EBF2: variants seen among roughly 807,000 people sequenced by gnomAD.
The protein encoded by EBF2 is EBF transcription factor 2.
In EBF2, 21 loss-of-function variants were observed where a neutral mutation model predicts 72.8. The observed-to-expected ratio is 0.29, with a 90% CI of 0.20 to 0.42. The LOEUF (loss-of-function observed/expected upper bound fraction) is 0.42, where lower values mean the gene tolerates loss of function less well. Ranked by LOEUF, EBF2 falls within the 10% of genes least tolerant of loss-of-function variation. The pLI, the probability that EBF2 is intolerant of heterozygous loss-of-function variation, is 1.00. For synonymous variants in EBF2, 299 were observed against 274.2 expected, an observed-to-expected ratio of 1.09 and a Z score of -0.89; for missense variants, 637 against 731.2, an observed-to-expected ratio of 0.87 and a Z score of 1.49.
chr8:25,867,722 A>T (rs914622680), intron 10 of EBF2, among the ~76,000 whole-genome samples: 9 of 152,158 alleles, frequency 5.9e-5, no homozygotes, highest in African/African-American at 2.2e-4. Flanking sequence ...TTCAGCTTTA[A>T]ATATCCAACT....
At chr8:25,850,175 C>T (rs186505447) in intron 15 of EBF2, among the ~76,000 whole-genome samples, 604 of 152,250 alleles carry the variant, frequency 4.0e-3, no homozygotes, top group Non-Finnish European at 4.9e-3. Flanking sequence ...TGCAATGGCG[C>T]GATCTCAGCT....
intron 10 of EBF2, among the ~76,000 whole-genome samples, chr8:25,863,821 T>C (rs954779286): frequency 6.6e-6 from 1 of 152,158 alleles, no homozygotes; most frequent in Non-Finnish European, 1.5e-5. Context: ...TTAACATTTT[T>C]TGCATATGTC....
intron 6 of EBF2, among the ~76,000 whole-genome samples, chr8:26,027,090 G>T (rs1178528423): frequency 6.6e-6 from 1 of 152,186 alleles, no homozygotes; most frequent in East Asian, 1.9e-4. Flanking sequence ...AGGAATGGGA[G>T]GTAATGGTCA....
intron 3 of EBF2, 111 bp downstream of exon 3, chr8:26,040,828 C>A: frequency 6.5e-7 from 1 of 1,531,406 alleles, no homozygotes; most frequent in East Asian, 2.3e-5. Context: ...GCAAGCCTCC[C>A]GCCGCCCTGG....
intron 10 of EBF2, among the ~76,000 whole-genome samples, chr8:25,866,630 T>C (rs1305534901): frequency 9.7e-6 from 1 of 103,604 alleles, no homozygotes; most frequent in Non-Finnish European, 1.8e-5. Context: ...TATATATATA[T>C]ATATATTTTT....
chr8:25,959,712 A>G (rs200905306), intron 6 of EBF2, among the ~76,000 whole-genome samples: 36 of 151,860 alleles, frequency 2.4e-4, no homozygotes, highest in East Asian at 2.1e-3. Flanking sequence ...TGATGTGTCT[A>G]CCCCCAAGTT....
At position 26,044,653 on chromosome 8, in the gene EBF2, C is replaced by T. The variant is rs1291470365; in HGVS notation, c.131+76G>A. 4 of 1,530,322 alleles carry T rather than the reference C, an allele frequency of 2.6e-6. No homozygotes were observed. The highest frequency in any genetic ancestry group is 3.1e-5 in the African/African-American group (2 of 64,320). 94.8% of individuals were successfully genotyped at this position (1,530,322 alleles called of 1,614,324 possible). A position where few individuals can be genotyped will look rare whatever the true frequency, so the allele number is the denominator to read the frequency against. On this transcript the variant is annotated intron_variant, in intron 1 of 15. Coordinates refer to ENST00000520164, the MANE Select transcript of EBF2 (RefSeq NM_022659.4). The surrounding 1 kb of genome is among the most constrained non-coding windows in gnomAD (Gnocchi z 4.1). ...CAGGGAGAGAGAAAGGCACGGGGTG[C>T]GCGGGGGGGGTGCACACGGAGAGAC... is the stretch of plus-strand genomic sequence containing the variant.
rs148706754 is a variant in EBF2 at position 25,933,521 on chromosome 8, T to C, written c.552-24966A>G. On this transcript the variant is annotated intron_variant, in intron 6 of 15. Coordinates refer to ENST00000520164, the MANE Select transcript of EBF2 (RefSeq NM_022659.4). ...TTCAATCTTTCTGGCTGTATGGCGA[T>C]ATAGATCAAAAGTCTTAAAAATGCA... Among the ~76,000 whole-genome samples, 12 of 152,300 alleles carry C rather than the reference T, an allele frequency of 7.9e-5. No individual in the cohort carries two copies. The East Asian group carries it at 2.1e-3, about 27-fold the overall frequency.
intron 6 of EBF2, among the ~76,000 whole-genome samples, chr8:25,951,585 T>C (rs997774636): frequency 7.9e-5 from 12 of 152,214 alleles, no homozygotes; most frequent in Non-Finnish European, 1.3e-4. Flanking sequence ...AAGAGGACTC[T>C]CTGAGAACCT....
chr8:26,012,129 G>C lies in EBF2; in HGVS notation c.551+20956C>G, dbSNP rs542004255. Among the ~76,000 whole-genome samples, 5 of 152,218 alleles carry C rather than the reference G, an allele frequency of 3.3e-5. No individual in the cohort carries two copies. In the East Asian group the frequency reaches 9.7e-4, roughly 29 times the overall value. On this transcript the variant is annotated intron_variant, in intron 6 of 15. Coordinates refer to ENST00000520164, the MANE Select transcript of EBF2 (RefSeq NM_022659.4). ...TCTTTGCAAGTGTATCATTTCCCTAGAGTTCCTGTGTCACAGATTTTTGTT... is the reference window on the plus strand; with the variant it reads ...TCTTTGCAAGTGTATCATTTCCCTACAGTTCCTGTGTCACAGATTTTTGTT...
intron 6 of EBF2, among the ~76,000 whole-genome samples, chr8:25,964,058 G>A (rs1419845342): frequency 6.6e-6 from 1 of 152,126 alleles, no homozygotes; most frequent in East Asian, 1.9e-4. Context: ...GGATCAATTA[G>A]CAAATGATCC....
Position 25,944,793 on chromosome 8 carries a change from GT to G in EBF2, c.552-36239del, listed in dbSNP as rs1803738574. The stretch of plus-strand genomic sequence containing the variant: ...TTATATTGTGTATATAATTATACAT[GT>G]ATATGTATTTATATACACACTTATA... On this transcript the variant is annotated intron_variant, in intron 6 of 15. Coordinates refer to ENST00000520164, the MANE Select transcript of EBF2 (RefSeq NM_022659.4). Among the ~76,000 whole-genome samples, 5 of 148,722 alleles carry G rather than the reference GT, an allele frequency of 3.4e-5. No individual in the cohort carries two copies. The South Asian group carries it at 1.1e-3, about 31-fold the overall frequency.
intron 6 of EBF2, among the ~76,000 whole-genome samples, chr8:26,010,625 G>A (rs998251971): frequency 3.9e-5 from 6 of 152,094 alleles, no homozygotes; most frequent in African/African-American, 1.4e-4. Flanking sequence ...CCGTGCTGCA[G>A]CTTGAGAGCT....
chr8:26,044,906 A>G lies in EBF2; in HGVS notation c.-47T>C, dbSNP rs760366242. 1.9e-6 allele frequency: 3 copies of G among 1,604,264 alleles called. No homozygotes were observed. The Admixed American group carries it at 5.0e-5, about 27-fold the overall frequency. ...TGTCGCTTTAAAAGTAAGAGTTACA[A>G]CACAGTCCTGACTGTTCCCAACGTT... is the stretch of plus-strand genomic sequence containing the variant. On this transcript the variant is annotated 5_prime_UTR_variant, in exon 1 of 16. Transcript: ENST00000520164. This position sits in a 1 kb window ranked among gnomAD's most constrained non-coding sequence, Gnocchi z 4.1.
chr8:25,844,924 A>G (rs1313924918), intron 15 of EBF2, among the ~76,000 whole-genome samples: 1 of 152,226 alleles, frequency 6.6e-6, no homozygotes, highest in African/African-American at 2.4e-5. Context: ...TATAAATGAG[A>G]CAACAGATGT....
intron 7 of EBF2, among the ~76,000 whole-genome samples, chr8:25,908,024 C>T (rs1021499816): frequency 1.3e-5 from 2 of 152,218 alleles, no homozygotes; most frequent in African/African-American, 4.8e-5. Flanking sequence ...TTAAAGTGAC[C>T]ACGCTGCTTG....
intron 10 of EBF2, among the ~76,000 whole-genome samples, chr8:25,871,702 T>C (rs1393672041): frequency 1.3e-5 from 2 of 152,160 alleles, no homozygotes; most frequent in Non-Finnish European, 2.9e-5. Flanking sequence ...ATAATACACA[T>C]TTCAACTGCC....
At chr8:25,974,354 C>T (rs1804234499) in intron 6 of EBF2, among the ~76,000 whole-genome samples, 1 of 152,180 alleles carries the variant, frequency 6.6e-6, no homozygotes, top group South Asian at 2.1e-4. Flanking sequence ...CTGACCATCT[C>T]CAGAAAGTAA....
In EBF2 at chr8:25,858,496, G is replaced by C; in HGVS notation, c.1351C>G (p.Arg451Gly). Reference protein sequence around the residue: ...STQGNNQGYIRNTSSISPRGY... With the variant: ...STQGNNQGYIGNTSSISPRGY... ...CGCGGAGAGATGCTGCTTGTGTTGCGGATGTACCCTTGGCAACAAAGAAAA... is the reference window on the plus strand; with the variant it reads ...CGCGGAGAGATGCTGCTTGTGTTGCCGATGTACCCTTGGCAACAAAGAAAA... Residue 451 changes from arginine (R) to glycine (G), a missense_variant, in exon 14 of 16, where the codon CGC becomes GGC. By Grantham distance (125) the Arg-to-Gly change is moderately radical (BLOSUM62 -2). Around this residue, in one of 3 missense-constraint regions of EBF2, gnomAD observed 259 missense variants for 268.1 expected, o/e 0.97. Transcript: ENST00000520164. 1 of 1,613,312 alleles carries C rather than the reference G, an allele frequency of 6.2e-7. No homozygotes were observed. Among genetic ancestry groups the C allele is most frequent in the Non-Finnish European group, 8.5e-7 (1 of 1,179,812 alleles).
Sources: gnomAD v4.1 joint callset for allele counts (sites outside exome capture counted in the v4.1 genomes callset) on GRCh38, gnomAD v4.1.1 for gene constraint, gnomAD v4.1.1 regional missense constraint, Gnocchi (gnomAD v3.1) non-coding constraint, MANE v1.5 for transcripts, NCBI Gene and HGNC (gene_info 2026-07-23, HGNC 2026-07-21) for gene names.